The following HPSE2 variants were observed in gnomAD, a reference collection of about 807,000 sequenced individuals.
The protein encoded by HPSE2 is heparanase 2 (inactive), also known as inactive heparanase-2.
Under a neutral mutation model 60.5 loss-of-function variants are expected in HPSE2, and 38 were observed. That is an observed-to-expected ratio of 0.63 (90% CI 0.48 to 0.82). HPSE2 has a LOEUF of 0.82. Among genes scored for constraint, HPSE2 ranks in the 40% least tolerant of loss-of-function variants. The pLI is 0.00. For missense variants in HPSE2, 713 were observed against 740.4 expected, an observed-to-expected ratio of 0.96 and a Z score of 0.43; for synonymous variants, 295 against 293.2, an observed-to-expected ratio of 1.01 and a Z score of -0.06.
In HPSE2 at chr10:98,526,305, A is replaced by T. The variant is rs575613573; in HGVS notation, c.1321-36109T>A. ...ATTTGCAAAGGTATAAGGAAAATTA[A>T]AACTTTCATGTGGCTGTGAAATAGA... On this transcript the variant is annotated intron_variant, in intron 9 of 11. Transcript: ENST00000370552. Among the ~76,000 whole-genome samples, 3 of 152,332 alleles carry T rather than the reference A, an allele frequency of 2.0e-5. No homozygotes were observed. In the East Asian group the frequency reaches 5.8e-4, roughly 29 times the overall value.
chr10:99,120,151 A>G (rs964719952), intron 3 of HPSE2, among the ~76,000 whole-genome samples: 1 of 152,230 alleles, frequency 6.6e-6, no homozygotes, highest in African/African-American at 2.4e-5. Flanking sequence ...AACAGAGTAA[A>G]CAGACAACCT....
chr10:99,225,479 G>A (rs964401677), intron 2 of HPSE2, among the ~76,000 whole-genome samples: 2 of 152,048 alleles, frequency 1.3e-5, no homozygotes, highest in Non-Finnish European at 2.9e-5. Flanking sequence ...AAAGAAGGAA[G>A]AATAACATAA....
At chr10:98,989,252 TC>T (rs1257694964) in intron 3 of HPSE2, among the ~76,000 whole-genome samples, 3 of 152,116 alleles carry the variant, frequency 2.0e-5, no homozygotes. Flanking sequence ...AACCCAAATG[TC>T]CAACAATGAT....
rs144384276 is a variant in HPSE2 at position 98,730,774 on chromosome 10, T to C, written c.785-8946A>G. Among the ~76,000 whole-genome samples the C allele has an allele frequency of 4.5e-3, 682 of 152,274 alleles. 11 individuals carry two copies. The highest frequency in any genetic ancestry group is 0.015 in the African/African-American group (633 of 41,564). Reference sequence around the variant, plus strand: ...CTGACTAAATAAGACACAGAAAATCTATATAGACACATAACAACAACGAAA... The same window carrying C: ...CTGACTAAATAAGACACAGAAAATCCATATAGACACATAACAACAACGAAA... On this transcript the variant is annotated intron_variant, in intron 4 of 11. Transcript: ENST00000370552.
intron 3 of HPSE2, among the ~76,000 whole-genome samples, chr10:98,938,213 C>G (rs1249232688): frequency 1.4e-5 from 2 of 144,998 alleles, no homozygotes; most frequent in African/African-American, 5.6e-5. Context: ...CAGTTCCTCA[C>G]CAGCAACGGA....
chr10:98,996,604 A>G (rs1172106926), intron 3 of HPSE2, among the ~76,000 whole-genome samples: 1 of 152,252 alleles, frequency 6.6e-6, no homozygotes, highest in African/African-American at 2.4e-5. Context: ...TCAGATATCC[A>G]TCAACAATTC....
At chr10:98,488,067 G>T (rs1941505023) in intron 10 of HPSE2, among the ~76,000 whole-genome samples, 1 of 151,690 alleles carries the variant, frequency 6.6e-6, no homozygotes, top group African/African-American at 2.4e-5. Flanking sequence ...TTAACAGAGA[G>T]TGAGAGAGGT....
intron 3 of HPSE2, among the ~76,000 whole-genome samples, chr10:98,986,122 T>C (rs1956341398): frequency 6.6e-6 from 1 of 152,134 alleles, no homozygotes; most frequent in African/African-American, 2.4e-5. Flanking sequence ...GAATTGAATT[T>C]AGCTCTTCAC....
intron 3 of HPSE2, among the ~76,000 whole-genome samples, chr10:99,112,367 G>A (rs1844495960): frequency 6.6e-6 from 1 of 152,076 alleles, no homozygotes; most frequent in Non-Finnish European, 1.5e-5. Context: ...AGCCTCCCGA[G>A]TAGCTAGGAC....
intron 9 of HPSE2, among the ~76,000 whole-genome samples, chr10:98,497,779 A>C (rs1247974432): frequency 1.3e-5 from 2 of 152,078 alleles, no homozygotes; most frequent in Non-Finnish European, 2.9e-5. Flanking sequence ...TAAAAATGTC[A>C]ATATTGACCT....
the HPSE2 span, among the ~76,000 whole-genome samples, chr10:99,308,915 T>C: frequency 3.3e-5 from 5 of 152,220 alleles, no homozygotes; most frequent in African/African-American, 9.6e-5. Flanking sequence ...GGTTTAGAAA[T>C]AACTCCAAGA....
rs538439594 is a variant in HPSE2 at position 98,907,289 on chromosome 10, C to T, written c.611-163233G>A. Among the ~76,000 whole-genome samples the T allele has an allele frequency of 1.5e-4, 23 of 152,130 alleles. No individual in the cohort carries two copies. The South Asian group carries it at 2.9e-3, about 19-fold the overall frequency. ...CCGTGTCAAATATAGTTTTAAATGG[C>T]CAGCAAGGTAAGTAATCAATATATG... On this transcript the variant is annotated intron_variant, in intron 3 of 11. Coordinates refer to ENST00000370552, the MANE Select transcript of HPSE2 (RefSeq NM_021828.5).
intron 9 of HPSE2, among the ~76,000 whole-genome samples, chr10:98,608,871 T>G (rs74154333): frequency 0.082 from 12,454 of 152,092 alleles, 1,158 homozygotes; most frequent in African/African-American, 0.21. Context: ...ACAGGCTGGT[T>G]TGGCTGGGTT....
At chr10:99,307,114 G>A in the HPSE2 span, among the ~76,000 whole-genome samples, 1 of 152,294 alleles carries the variant, frequency 6.6e-6, no homozygotes, top group Admixed American at 6.5e-5. Context: ...CTATGCTGCT[G>A]CCTGCTGGAG....
At chr10:99,213,491 A>C (rs1164898360) in intron 2 of HPSE2, among the ~76,000 whole-genome samples, 2 of 152,170 alleles carry the variant, frequency 1.3e-5, no homozygotes, top group Non-Finnish European at 2.9e-5. Flanking sequence ...AAAAAACAAA[A>C]AACACCATTT....
intron 2 of HPSE2, among the ~76,000 whole-genome samples, chr10:99,179,256 G>A (rs1377521918): frequency 6.6e-6 from 1 of 152,158 alleles, no homozygotes; most frequent in Non-Finnish European, 1.5e-5. Context: ...CATACTATTG[G>A]AAGTTTTCGC....
At chr10:98,953,551 CT>C (rs1383555185) in intron 3 of HPSE2, among the ~76,000 whole-genome samples, 1 of 152,108 alleles carries the variant, frequency 6.6e-6, no homozygotes, top group African/African-American at 2.4e-5. Context: ...TCTAGCCCTG[CT>C]TGAGGGCTGT....
At chr10:99,159,106 C>G (rs1419879366) in intron 2 of HPSE2, among the ~76,000 whole-genome samples, 1 of 150,560 alleles carries the variant, frequency 6.6e-6, no homozygotes, top group African/African-American at 2.4e-5. Context: ...CACTTACAAA[C>G]TAGAAAAATA....
At chr10:99,263,503 C>A in the HPSE2 span, among the ~76,000 whole-genome samples, 4 of 152,212 alleles carry the variant, frequency 2.6e-5, no homozygotes, top group African/African-American at 9.6e-5. Flanking sequence ...GACTGCTTTA[C>A]TTCCGAAGGA....
Sources: gnomAD v4.1 joint callset for allele counts (sites outside exome capture counted in the v4.1 genomes callset) on GRCh38, gnomAD v4.1.1 for gene constraint, MANE v1.5 for transcripts, NCBI Gene and HGNC (gene_info 2026-07-23, HGNC 2026-07-21) for gene names.